The following CYP4F3 variants were observed in gnomAD, a reference collection of about 807,000 sequenced individuals.
CYP4F3 encodes cytochrome P450 4F3.
Under a neutral mutation model 54.8 loss-of-function variants are expected in CYP4F3, and 50 were observed. The observed-to-expected ratio is 0.91, with a 90% CI of 0.73 to 1.16. The LOEUF is 1.16. Ranked by LOEUF, CYP4F3 falls within the 50% of genes most tolerant of loss-of-function variation. The pLI is 0.00. For missense variants in CYP4F3, 715 were observed against 676.2 expected (o/e 1.06, Z -0.64); for synonymous variants, 244 against 262.6 (o/e 0.93, Z 0.69).
chr19:15,656,339 A>G (rs1395304163), intron 9 of CYP4F3, among the ~76,000 whole-genome samples: 1 of 152,134 alleles, frequency 6.6e-6, no homozygotes, highest in Non-Finnish European at 1.5e-5. Context: ...TACAAAATGA[A>G]TGATAAAAAA....
Position 15,647,212 on chromosome 19 carries a change from T to A in CYP4F3, c.413T>A (p.Leu138Gln), listed in dbSNP as rs369978218. Residue 138 changes from leucine (L) to glutamine (Q), a missense_variant, in exon 5 of 13, where the codon CTG (leucine) becomes CAG (glutamine). Physicochemically the swap from Leu to Gln is moderately radical, Grantham distance 113. Transcript: ENST00000221307. The part of the protein sequence containing the change: ...LKPWLGDGLL[L>Q]SAGEKWSRHR... The stretch of plus-strand genomic sequence containing the variant: ...GCCCTGCCAGGGGATGGGCTCCTGC[T>A]GAGTGCTGGTGAAAAGTGGAGCCGC... 3 of 1,614,238 alleles carry A rather than the reference T, an allele frequency of 1.9e-6. No homozygotes were observed. The highest frequency in any genetic ancestry group is 2.7e-5 in the African/African-American group (2 of 75,070).
chr19:15,661,473 G>T lies in CYP4F3; in HGVS notation c.*2088G>T, dbSNP rs945946244. ...TATGGGTATGCTGTGGCATATCCCTGAGATTTTAATTCGCATTTTCCAGTG... is the reference window on the plus strand; with the variant it reads ...TATGGGTATGCTGTGGCATATCCCTTAGATTTTAATTCGCATTTTCCAGTG... On this transcript the variant is annotated 3_prime_UTR_variant, in exon 13 of 13. Transcript: ENST00000221307. The T allele has an allele frequency of 6.6e-6, 1 of 152,210 alleles. No homozygotes were observed. The highest frequency in any genetic ancestry group is 2.4e-5 in the African/African-American group (1 of 41,450). The allele number at this position is 152,210 out of a possible 1,614,324, so 9.4% of individuals were successfully genotyped here.
rs937243048 is a variant in CYP4F3, at chr19:15,661,074, A to G, written c.*1689A>G. On this transcript the variant is annotated 3_prime_UTR_variant, in exon 13 of 13. Coordinates refer to ENST00000221307, the MANE Select transcript of CYP4F3 (RefSeq NM_000896.3). ...ATCCAGCCATCTCATTCTAACAGCAATGAGAACTTAGGCTCCCCTCTCTAC... is the reference window on the plus strand; with the variant it reads ...ATCCAGCCATCTCATTCTAACAGCAGTGAGAACTTAGGCTCCCCTCTCTAC... The G allele has an allele frequency of 3.3e-5, 5 of 151,816 alleles. No homozygotes were observed. The highest frequency in any genetic ancestry group is 5.9e-5 in the Non-Finnish European group (4 of 67,984). The allele number at this position is 151,816 out of a possible 1,614,324, so 9.4% of individuals were successfully genotyped here.
At chr19:15,655,358 T>C (rs956983762) in intron 9 of CYP4F3, among the ~76,000 whole-genome samples, 1 of 152,240 alleles carries the variant, frequency 6.6e-6, no homozygotes, top group African/African-American at 2.4e-5. Context: ...TCCTTTGCTG[T>C]GCAGAAGCTT....
chr19:15,647,376 C>A, intron 5 of CYP4F3, 52 bp downstream of exon 5: 1 of 1,610,804 alleles, frequency 6.2e-7, no homozygotes, highest in Non-Finnish European at 8.5e-7. Context: ...TGGGGGGAAC[C>A]ACAGACAGAT....
chr19:15,650,868 T>TTC (rs1421637294), intron 7 of CYP4F3, among the ~76,000 whole-genome samples: 5 of 43,042 alleles, frequency 1.2e-4, no homozygotes, highest in Admixed American at 2.9e-4. Context: ...CTTTCTTTCT[T>TTC]TTTCTCTCTC....
rs1973080162 is a variant in CYP4F3 at position 15,658,247 on chromosome 19, C to T, written c.1116-17C>T. 1.2e-6 allele frequency: 2 copies of T among 1,613,728 alleles called. No homozygotes were observed. The highest frequency in any genetic ancestry group is 1.7e-6 in the Non-Finnish European group (2 of 1,179,852). ...TTTGCTCCCTTGATAAGGATTGGGGCTGGGGTGTTTCCTTAGGGACGACCT... is the reference window on the plus strand; with the variant it reads ...TTTGCTCCCTTGATAAGGATTGGGGTTGGGGTGTTTCCTTAGGGACGACCT... On this transcript the variant is annotated splice_polypyrimidine_tract_variant and intron_variant, in intron 9 of 12. Transcript: ENST00000221307.
rs758423631 is a variant in CYP4F3, at chr19:15,649,136, A to AG, written c.526-23dup. 6 of 1,612,556 alleles carry AG rather than the reference A, an allele frequency of 3.7e-6. No individual in the cohort carries two copies. The African/African-American group carries it at 8.0e-5, about 22-fold the overall frequency. On this transcript the variant is annotated intron_variant, in intron 5 of 12. Coordinates refer to ENST00000221307, the MANE Select transcript of CYP4F3 (RefSeq NM_000896.3). ...CTCAAGGGAGCAAGGGACCTGCCCC[A>AG]GCTCTGTCCCCTTCTCTGGCTAGGC...
rs1481217369 is a variant in CYP4F3 at position 15,647,181 on chromosome 19, T to G, written c.398-16T>G. On this transcript the variant is annotated splice_polypyrimidine_tract_variant and intron_variant, in intron 4 of 12. Coordinates refer to ENST00000221307, the MANE Select transcript of CYP4F3 (RefSeq NM_000896.3). ...AGGGAGATGCCCTTGCCCATGGCCCTTGGCTGCCCTGCCAGGGGATGGGCT... is the reference window on the plus strand; with the variant it reads ...AGGGAGATGCCCTTGCCCATGGCCCGTGGCTGCCCTGCCAGGGGATGGGCT... 1.2e-6 allele frequency: 2 copies of G among 1,614,238 alleles called. No individual in the cohort carries two copies. Among genetic ancestry groups the G allele is most frequent in the Non-Finnish European group, 1.7e-6 (2 of 1,180,038 alleles).
chr19:15,650,047 G>A lies in CYP4F3; in HGVS notation c.782G>A (p.Arg261His), dbSNP rs775528238. 21 of 1,614,140 alleles carry A rather than the reference G, an allele frequency of 1.3e-5. No homozygotes were observed. Among genetic ancestry groups the A allele is most frequent in the Admixed American group, 1.7e-5 (1 of 60,016 alleles). Residue 261 changes from arginine to histidine, a missense_variant, in exon 7 of 13, where the codon CGC (arginine) becomes CAC (histidine). Arg to His is a conservative substitution (Grantham distance 29). Transcript: ENST00000221307. The part of the protein sequence containing the change: ...PDGQRFRRAC[R>H]LVHDFTDAVI... ...GGGCAGCGTTTCCGCAGGGCCTGCC[G>A]CCTGGTGCACGACTTCACAGATGCC...
At position 15,652,567 on chromosome 19, in the gene CYP4F3, A is replaced by G. The variant is rs757921130; in HGVS notation, c.919-2A>G. The G allele has an allele frequency of 1.1e-5, 17 of 1,614,166 alleles. No individual in the cohort carries two copies. Among genetic ancestry groups the G allele is most frequent in the Admixed American group, 1.7e-5 (1 of 60,018 alleles). ...GGTGGGGGGTTATTGCCTTCTCTCCAGGATGAAGATGGGAAGAAGTTGTCC... is the reference window on the plus strand; with the variant it reads ...GGTGGGGGGTTATTGCCTTCTCTCCGGGATGAAGATGGGAAGAAGTTGTCC... On this transcript the variant is annotated splice_acceptor_variant, in intron 7 of 12. Transcript: ENST00000221307. LOFTEE classifies it high-confidence loss of function.
chr19:15,653,436 T>C (rs894880070), intron 9 of CYP4F3, among the ~76,000 whole-genome samples: 9 of 152,122 alleles, frequency 5.9e-5, no homozygotes, highest in Admixed American at 3.3e-4. Context: ...TCATACTGCA[T>C]TCCAACCCCC....
chr19:15,652,216 CA>C (rs1308470754), intron 7 of CYP4F3, among the ~76,000 whole-genome samples: 5 of 152,138 alleles, frequency 3.3e-5, no homozygotes, highest in African/African-American at 1.2e-4. Flanking sequence ...ATCTTTGAAG[CA>C]ATACTTAATC....
intron 12 of CYP4F3, 113 bp downstream of exon 12, chr19:15,658,922 C>G: frequency 1.4e-6 from 2 of 1,410,358 alleles, no homozygotes; most frequent in South Asian, 1.3e-5. Context: ...CTCTCCTTCC[C>G]TCACCTCCTC....
chr19:15,653,077 A>G (rs1203972653), intron 9 of CYP4F3, 125 bp downstream of exon 9: 3 of 1,396,420 alleles, frequency 2.1e-6, no homozygotes, highest in Non-Finnish European at 2.8e-6. Context: ...ATAGGAGCAG[A>G]GGACCACAGG....
intron 5 of CYP4F3, among the ~76,000 whole-genome samples, chr19:15,647,986 CA>C (rs1486694244): frequency 6.6e-5 from 10 of 152,100 alleles, no homozygotes. Flanking sequence ...ATTTTGACAT[CA>C]AAAGCCAATA....
At chr19:15,643,879 G>A (rs879913410) in intron 2 of CYP4F3, 7 of 1,523,390 alleles carry the variant, frequency 4.6e-6, no homozygotes, top group Non-Finnish European at 6.1e-6. Flanking sequence ...ACCATGACAG[G>A]AGGTGACGGC....
chr19:15,647,583 G>C (rs1485047044), intron 5 of CYP4F3, among the ~76,000 whole-genome samples: 1 of 152,192 alleles, frequency 6.6e-6, no homozygotes, highest in Non-Finnish European at 1.5e-5. Flanking sequence ...AAACTCAAGA[G>C]GGTAATGACA....
At chr19:15,643,143 G>T (rs1343077407) in intron 2 of CYP4F3, among the ~76,000 whole-genome samples, 1 of 151,786 alleles carries the variant, frequency 6.6e-6, no homozygotes. Context: ...AGGATGAATA[G>T]ATTAGATAGA....
Sources: gnomAD v4.1 joint callset for allele counts (sites outside exome capture counted in the v4.1 genomes callset) on GRCh38, gnomAD v4.1.1 for gene constraint, MANE v1.5 for transcripts, NCBI Gene and HGNC (gene_info 2026-07-23, HGNC 2026-07-21) for gene names.